MAEA: variants seen among roughly 807,000 people sequenced by gnomAD.
MAEA encodes macrophage erythroblast attacher, E3 ubiquitin ligase, also known as E3 ubiquitin-protein transferase MAEA.
A neutral mutation model predicts 46.2 loss-of-function variants in MAEA; 22 were observed. The observed-to-expected ratio is 0.48, with a 90% confidence interval of 0.34 to 0.68. The LOEUF is 0.68. Among genes scored for constraint, MAEA ranks in the 30% least tolerant of loss-of-function variants. The pLI, the probability that MAEA is intolerant of heterozygous loss-of-function variation, is 0.01. For synonymous variants in MAEA, 246 were observed against 222.6 expected (o/e 1.11, Z -0.94); for missense variants, 393 against 558.1 (o/e 0.70, Z 2.98).
At chr4:1,323,369 T>G (rs530446659) in intron 4 of MAEA, 20 of 640,944 alleles carry the variant, frequency 3.1e-5, no homozygotes, top group African/African-American at 3.1e-4. Context: ...TAACTTATGT[T>G]AACACTTCTG....
At chr4:1,307,107 T>C (rs899446691) in intron 1 of MAEA, among the ~76,000 whole-genome samples, 2 of 152,238 alleles carry the variant, frequency 1.3e-5, no homozygotes, top group African/African-American at 4.8e-5. Flanking sequence ...TTATCAAAAT[T>C]CATTAGAATT....
At chr4:1,297,514 T>C (rs1277366315) in intron 1 of MAEA, among the ~76,000 whole-genome samples, 3 of 150,668 alleles carry the variant, frequency 2.0e-5, no homozygotes, top group Admixed American at 6.6e-5. Context: ...GAGTGTGGGC[T>C]CATTGCTGCC....
At chr4:1,301,783 G>C (rs6599297) in intron 1 of MAEA, among the ~76,000 whole-genome samples, 13,548 of 152,284 alleles carry the variant, frequency 0.089, 1,281 homozygotes, top group East Asian at 0.42. Context: ...AAGGAAAAAA[G>C]TGTTAGGTTG....
rs6599299 is a variant in MAEA, at chr4:1,311,230, T to C, written c.70-749T>C. 0.16 allele frequency among the ~76,000 whole-genome samples: 24,216 copies of C among 152,140 alleles called. 3,716 individuals are homozygous for C. The highest frequency in any genetic ancestry group is 0.42 in the East Asian group (2,155 of 5,154). On this transcript the variant is annotated intron_variant, in intron 1 of 8. Transcript: ENST00000303400. This position sits in a 1 kb window ranked among gnomAD's most constrained non-coding sequence, Gnocchi z 4.4. ...CCACCAGTGCAGCCAGGACCGCAGG[T>C]GGTGTTTCCTGCGGGAGCCCGGCCA...
chr4:1,334,861 G>A (rs1042807509), intron 6 of MAEA: 76 of 985,318 alleles, frequency 7.7e-5, no homozygotes, highest in African/African-American at 1.2e-4. Context: ...CTTCTGGACT[G>A]TGGGCTTCCT....
chr4:1,313,335 C>G (rs1387213862), intron 2 of MAEA, among the ~76,000 whole-genome samples: 1 of 152,238 alleles, frequency 6.6e-6, no homozygotes, highest in Non-Finnish European at 1.5e-5. Context: ...GACCCTGTCT[C>G]AAGACACCAC....
intron 3 of MAEA, among the ~76,000 whole-genome samples, chr4:1,318,412 A>G (rs1001525809): frequency 3.3e-5 from 5 of 152,208 alleles, no homozygotes; most frequent in African/African-American, 9.6e-5. Context: ...CAGGGTGGAT[A>G]TGGGAGTGCT....
intron 3 of MAEA, among the ~76,000 whole-genome samples, chr4:1,321,653 G>A (rs919522927): frequency 1.3e-5 from 2 of 152,170 alleles, no homozygotes; most frequent in Admixed American, 6.5e-5. Flanking sequence ...CGGAGGTGCC[G>A]TCCTTGGTCC....
At chr4:1,327,829 T>C (rs1739046440) in intron 5 of MAEA, 126 bp downstream of exon 5, 2 of 715,846 alleles carry the variant, frequency 2.8e-6, no homozygotes, top group Non-Finnish European at 4.8e-6. Flanking sequence ...GTCTTGAGTC[T>C]GACCCCTGCC....
intron 1 of MAEA, among the ~76,000 whole-genome samples, chr4:1,294,684 G>A (rs1414079025): frequency 6.6e-6 from 1 of 151,728 alleles, no homozygotes; most frequent in African/African-American, 2.4e-5. Context: ...GACAAGTGAG[G>A]CCCCTGTCTA....
chr4:1,297,392 T>G (rs1734841309), intron 1 of MAEA, among the ~76,000 whole-genome samples: 1 of 149,368 alleles, frequency 6.7e-6, no homozygotes, highest in African/African-American at 2.6e-5. Flanking sequence ...CGTTTACACT[T>G]CAGCTCATTC....
In MAEA at chr4:1,311,116, C is replaced by T. The variant is rs897749918; in HGVS notation, c.70-863C>T. 1.3e-5 allele frequency among the ~76,000 whole-genome samples: 2 copies of T among 152,190 alleles called. No homozygotes were observed. Among genetic ancestry groups the T allele is most frequent in the Non-Finnish European group, 2.9e-5 (2 of 68,032 alleles). On this transcript the variant is annotated intron_variant, in intron 1 of 8. Coordinates refer to ENST00000303400, the MANE Select transcript of MAEA (RefSeq NM_001017405.3). This position sits in a 1 kb window ranked among gnomAD's most constrained non-coding sequence, Gnocchi z 4.4. ...GAGGAGGCGAGGTGGAGCGCTTGTT[C>T]TGGCACAGCTGCGACGGCAGAGTTG...
chr4:1,337,078 C>A, intron 7 of MAEA, 84 bp downstream of exon 7: 1 of 1,483,618 alleles, frequency 6.7e-7, no homozygotes, highest in Non-Finnish European at 9.2e-7. Context: ...CTGCACCTTG[C>A]CACTCTTGTC....
intron 1 of MAEA, among the ~76,000 whole-genome samples, chr4:1,294,146 C>T (rs749050005): frequency 3.9e-5 from 6 of 152,230 alleles, no homozygotes; most frequent in Admixed American, 6.5e-5. Context: ...AGAATCCGCC[C>T]GGTCTCTAGA....
At chr4:1,310,024 G>A (rs776408131) in intron 1 of MAEA, 30 of 1,181,128 alleles carry the variant, frequency 2.5e-5, no homozygotes, top group Non-Finnish European at 2.9e-5. Flanking sequence ...GGGTTCCTCC[G>A]CGCGAGCGAG....
chr4:1,327,103 C>A (rs771261477), intron 4 of MAEA, among the ~76,000 whole-genome samples: 6 of 152,254 alleles, frequency 3.9e-5, no homozygotes, highest in Non-Finnish European at 8.8e-5. Context: ...CCTCCCCACC[C>A]GGGGCATCAG....
Position 1,315,761 on chromosome 4 carries a change from CGT to C in MAEA, c.456+166_456+167del, listed in dbSNP as rs1163978279. Among the ~76,000 whole-genome samples, 174 of 111,756 alleles carry C rather than the reference CGT, an allele frequency of 1.6e-3. 1 individual carries two copies. Among genetic ancestry groups the C allele is most frequent in the African/African-American group, 5.7e-3 (167 of 29,378 alleles). The allele number at this position is 111,756 out of a possible 152,430, so 73.3% of individuals were successfully genotyped here. Reference sequence around the variant, plus strand: ...GTTCCCCTCCCCCCACCCCCGTGTGCGTGTGTCCCCCCTCCAGTGTGTGTGTG... The same window carrying C: ...GTTCCCCTCCCCCCACCCCCGTGTGCGTGTCCCCCCTCCAGTGTGTGTGTG... On this transcript the variant is annotated intron_variant, in intron 3 of 8. Transcript: ENST00000303400.
In MAEA at chr4:1,301,964, G is replaced by T. The variant is rs544606349; in HGVS notation, c.70-10015G>T. Among the ~76,000 whole-genome samples the T allele has an allele frequency of 1.9e-4, 27 of 144,174 alleles. No homozygotes were observed. In the South Asian group the frequency reaches 5.6e-3, roughly 30 times the overall value. The allele number at this position is 144,174 out of a possible 152,430, so 94.6% of individuals were successfully genotyped here. On this transcript the variant is annotated intron_variant, in intron 1 of 8. Transcript: ENST00000303400. Reference sequence around the variant, plus strand: ...ATTTATACCAACTCTTCTAAAAACAGTTAAGGAGGGATTACATCCCACCTC... The same window carrying T: ...ATTTATACCAACTCTTCTAAAAACATTTAAGGAGGGATTACATCCCACCTC...
At chr4:1,307,766 A>C (rs1735976365) in intron 1 of MAEA, among the ~76,000 whole-genome samples, 1 of 152,158 alleles carries the variant, frequency 6.6e-6, no homozygotes, top group African/African-American at 2.4e-5. Flanking sequence ...TCTGATGCCA[A>C]AGGGCAGGAT....
Sources: allele counts gnomAD v4.1 joint callset (sites outside exome capture counted in the v4.1 genomes callset), GRCh38; gene constraint gnomAD v4.1.1; non-coding constraint Gnocchi (gnomAD v3.1); transcripts MANE v1.5; gene names NCBI Gene and HGNC (gene_info 2026-07-23, HGNC 2026-07-21).